Variants in PPP2CA observed in about 807,000 individuals in gnomAD.
PPP2CA encodes the protein serine/threonine-protein phosphatase 2A catalytic subunit alpha isoform.
PPP2CA carries 5 observed loss-of-function variants against 38.8 expected under a neutral mutation model. The observed-to-expected ratio is 0.13, with a 90% CI of 0.07 to 0.27. The LOEUF is 0.27. Among genes scored for constraint, PPP2CA ranks in the 10% least tolerant of loss-of-function variants. The pLI, the probability that PPP2CA is intolerant of heterozygous loss-of-function variation, is 1.00. For missense variants in PPP2CA, 88 were observed against 389.7 expected (o/e 0.23, Z 6.52); for synonymous variants, 152 against 134.0 (o/e 1.13, Z -0.93).
At chr5:134,197,960 T>TA (rs776831691) in intron 6 of PPP2CA, 116 bp from the exon 7 acceptor site, 17 of 825,282 alleles carry the variant, frequency 2.1e-5, no homozygotes, top group East Asian at 2.6e-5. Context: ...TGGCTTGTCT[T>TA]AATGTAACAG....
chr5:134,223,441 ATACT>A (rs1376409879), intron 1 of PPP2CA, among the ~76,000 whole-genome samples: 6 of 152,266 alleles, frequency 3.9e-5, no homozygotes, highest in African/African-American at 7.2e-5. Flanking sequence ...GAAAGTTGAA[ATACT>A]TACTTACCAG....
intron 1 of PPP2CA, among the ~76,000 whole-genome samples, chr5:134,213,429 G>C (rs573326087): frequency 2.9e-5 from 4 of 136,390 alleles, no homozygotes; most frequent in African/African-American, 1.1e-4. Flanking sequence ...AAAAAAAAAA[G>C]ATTCCTTTCA....
chr5:134,198,935 A>G (rs1761916868), intron 6 of PPP2CA, 151 bp downstream of exon 6: 2 of 624,870 alleles, frequency 3.2e-6, no homozygotes, highest in East Asian at 5.5e-5. Flanking sequence ...TGTAACCCCA[A>G]CACTCTAGGA....
At chr5:134,211,551 G>C (rs183862975) in intron 1 of PPP2CA, among the ~76,000 whole-genome samples, 1 of 149,392 alleles carries the variant, frequency 6.7e-6, no homozygotes, top group Non-Finnish European at 1.5e-5. Context: ...ATCTCGGTTC[G>C]CTGCAACCTC....
intron 1 of PPP2CA, among the ~76,000 whole-genome samples, chr5:134,218,738 G>A (rs1215613852): frequency 1.3e-5 from 2 of 150,794 alleles, no homozygotes; most frequent in African/African-American, 4.9e-5. Flanking sequence ...GCACGATCTC[G>A]GCTCACTGCA....
chr5:134,208,528 A>C (rs1425838295), intron 1 of PPP2CA, among the ~76,000 whole-genome samples: 1 of 101,966 alleles, frequency 9.8e-6, no homozygotes, highest in Non-Finnish European at 2.2e-5. Context: ...TTACCAATAA[A>C]ATTTTGATGT....
At chr5:134,221,793 A>C (rs1385724060) in intron 1 of PPP2CA, among the ~76,000 whole-genome samples, 8 of 151,934 alleles carry the variant, frequency 5.3e-5, no homozygotes, top group Non-Finnish European at 1.0e-4. Flanking sequence ...AACATGGTGA[A>C]ATCCCATCTC....
chr5:134,212,185 A>G (rs1561740126), intron 1 of PPP2CA, among the ~76,000 whole-genome samples: 1 of 152,206 alleles, frequency 6.6e-6, no homozygotes, highest in Non-Finnish European at 1.5e-5. Flanking sequence ...GCTTCTCTTT[A>G]TTGCACTTTG....
At chr5:134,224,456 T>C (rs1200692267) in intron 1 of PPP2CA, 8 of 359,920 alleles carry the variant, frequency 2.2e-5, no homozygotes, top group African/African-American at 1.5e-4. Flanking sequence ...TGGAAACATA[T>C]ACGTCAAACT....
In PPP2CA at chr5:134,209,282, A is replaced by AGG. The variant is rs1561738675; in HGVS notation, c.103-3152_103-3151insCC. 1.2e-3 allele frequency among the ~76,000 whole-genome samples: 175 copies of AGG among 145,178 alleles called. 2 individuals carry two copies. The East Asian group carries it at 0.018, about 15-fold the overall frequency. ...ACCATCCCTCAGACCGGAGGGGGAA[A>AGG]AAAAAAAAATCATCCAATCAACTAT... On this transcript the variant is annotated intron_variant, in intron 1 of 6. Transcript: ENST00000481195.
At chr5:134,199,356 T>C in intron 5 of PPP2CA, 152 bp from the exon 6 acceptor site, 1 of 595,074 alleles carries the variant, frequency 1.7e-6, no homozygotes, top group Middle Eastern at 3.0e-4. Context: ...GACTTAATAA[T>C]CTCCTGTACT....
chr5:134,215,054 T>A (rs1356132310), intron 1 of PPP2CA, among the ~76,000 whole-genome samples: 1 of 150,572 alleles, frequency 6.6e-6, no homozygotes, highest in Non-Finnish European at 1.5e-5. Flanking sequence ...AAAAAATCAA[T>A]CAATTGGGAC....
At position 134,201,844 on chromosome 5, in the gene PPP2CA, A is replaced by G; in HGVS notation, c.486+4T>C. ...AATCAGCAATGAGTTTTAGATCCAC[A>G]TACCTGCCCATCCACCAAGGCAGTG... On this transcript the variant is annotated splice_donor_region_variant and intron_variant, in intron 3 of 6. Transcript: ENST00000481195. 2.5e-6 allele frequency: 4 copies of G among 1,613,020 alleles called. No individual in the cohort carries two copies. Among genetic ancestry groups the G allele is most frequent in the Non-Finnish European group, 3.4e-6 (4 of 1,179,530 alleles).
intron 2 of PPP2CA, among the ~76,000 whole-genome samples, chr5:134,202,748 A>C (rs1027618179): frequency 6.6e-6 from 1 of 152,224 alleles, no homozygotes; most frequent in Non-Finnish European, 1.5e-5. Context: ...AAGATTCCTA[A>C]GAATATAATT....
Position 134,201,869 on chromosome 5 carries a change from G to A in PPP2CA, c.465C>T (p.Leu155=), listed in dbSNP as rs1274775791. The A allele has an allele frequency of 1.8e-5, 29 of 1,613,586 alleles. No individual in the cohort carries two copies. The highest frequency in any genetic ancestry group is 2.4e-5 in the Non-Finnish European group (28 of 1,179,840). Residue 155 remains leucine, a synonymous_variant, in exon 3 of 7, where the codon CTC becomes CTT. Transcript: ENST00000481195. ...ATACCTGCCCATCCACCAAGGCAGT[G>A]AGAGGAAGATAGTCAAAAAGATCTG... is the stretch of plus-strand genomic sequence containing the variant. ...YFTDLFDYLP[L]TALVDGQIFC...
Position 134,220,610 on chromosome 5 carries a change from G to A in PPP2CA, c.102+5150C>T, listed in dbSNP as rs575737887. Among the ~76,000 whole-genome samples, 4 of 152,176 alleles carry A rather than the reference G, an allele frequency of 2.6e-5. No individual in the cohort carries two copies. In the South Asian group the frequency reaches 8.3e-4, roughly 32 times the overall value. On this transcript the variant is annotated intron_variant, in intron 1 of 6. Transcript: ENST00000481195. ...TAAGAGAAATGGGTCAAAGCAGAAA[G>A]AATAAATAGTGTCTCCCTGTTACAT...
intron 6 of PPP2CA, among the ~76,000 whole-genome samples, chr5:134,198,722 T>C (rs2284314): frequency 0.77 from 117,249 of 151,950 alleles, 45,700 homozygotes; most frequent in Non-Finnish European, 0.82. Context: ...GGCGCCACCA[T>C]GCTGGGCTAA....
At chr5:134,212,452 T>C (rs1762222899) in intron 1 of PPP2CA, among the ~76,000 whole-genome samples, 1 of 152,192 alleles carries the variant, frequency 6.6e-6, no homozygotes. Context: ...TTAATAAATG[T>C]CGTATATATT....
intron 2 of PPP2CA, among the ~76,000 whole-genome samples, chr5:134,204,322 A>G (rs1183395699): frequency 6.6e-6 from 1 of 152,262 alleles, no homozygotes; most frequent in Non-Finnish European, 1.5e-5. Flanking sequence ...GGAAAGGCGG[A>G]AGCCTGCCAC....
Sources: gnomAD v4.1 joint callset for allele counts (sites outside exome capture counted in the v4.1 genomes callset) on GRCh38, gnomAD v4.1.1 for gene constraint, MANE v1.5 for transcripts, NCBI Gene and HGNC (gene_info 2026-07-23, HGNC 2026-07-21) for gene names.